The following TTLL4 variants were observed in gnomAD, a reference collection of about 807,000 sequenced individuals.
TTLL4 encodes the protein tubulin monoglutamylase TTLL4.
In TTLL4, 85 loss-of-function variants were observed where a neutral mutation model predicts 122.7. That is an observed-to-expected ratio of 0.69 (90% CI 0.58 to 0.83). TTLL4 has a LOEUF of 0.83. TTLL4 is among the 40% of genes least tolerant of loss of function. TTLL4 has a pLI of 0.00. For missense variants in TTLL4, 1,363 were observed against 1,488.6 expected (o/e 0.92, Z 1.39); for synonymous variants, 553 against 563.0 (o/e 0.98, Z 0.25).
At chr2:218,753,381 A>G in intron 18 of TTLL4, 196 bp downstream of exon 18, 1 of 834,036 alleles carries the variant, frequency 1.2e-6, no homozygotes, top group Non-Finnish European at 1.9e-6. Flanking sequence ...TTCAAGGATC[A>G]AAAAGTGCTT....
At chr2:218,733,930 T>C (rs1290939907) in intron 2 of TTLL4, among the ~76,000 whole-genome samples, 1 of 152,162 alleles carries the variant, frequency 6.6e-6, no homozygotes, top group Non-Finnish European at 1.5e-5. Context: ...GGATTGGCTG[T>C]GGTGTTGATG....
In TTLL4 at chr2:218,745,750, C is replaced by T. The variant is rs757969579; in HGVS notation, c.1846C>T (p.Pro616Ser). The T allele has an allele frequency of 6.8e-6, 11 of 1,613,604 alleles. No individual in the cohort carries two copies. Among genetic ancestry groups the T allele is most frequent in the Non-Finnish European group, 9.3e-6 (11 of 1,179,904 alleles). Residue 616 changes from proline to serine, a missense_variant, in exon 7 of 20, where the codon CCC becomes TCC. By Grantham distance (74) the Pro-to-Ser change is moderately conservative. Coordinates refer to ENST00000392102, the MANE Select transcript of TTLL4 (RefSeq NM_014640.5). The stretch of plus-strand genomic sequence containing the variant: ...CCGATGGAAGATGAGCACAGTGACC[C>T]CCAACATTGTCAAGCAGACCATTGG... ...LLRWKMSTVT[P>S]NIVKQTIGRS...
intron 5 of TTLL4, among the ~76,000 whole-genome samples, chr2:218,742,624 C>T (rs1325129996): frequency 6.6e-6 from 1 of 152,194 alleles, no homozygotes; most frequent in Non-Finnish European, 1.5e-5. Context: ...GTTCAGGATT[C>T]TTGTGAGACA....
At chr2:218,741,065 T>C (rs958247473) in intron 5 of TTLL4, among the ~76,000 whole-genome samples, 7 of 151,728 alleles carry the variant, frequency 4.6e-5, no homozygotes, top group African/African-American at 7.3e-5. Context: ...GGAGCAAGAC[T>C]TTGTCTCAAA....
downstream of TTLL4, among the ~76,000 whole-genome samples, chr2:218,758,320 T>C (rs1023204202): frequency 1.8e-4 from 28 of 152,164 alleles, no homozygotes; most frequent in South Asian, 6.2e-4. Flanking sequence ...GTTAGTAAAC[T>C]GGGGACACCA....
chr2:218,750,433 G>T (rs1942985414), intron 15 of TTLL4, among the ~76,000 whole-genome samples: 1 of 152,102 alleles, frequency 6.6e-6, no homozygotes, highest in Non-Finnish European at 1.5e-5. Context: ...TGAAGCAGGG[G>T]GATCTTTTAA....
intron 1 of TTLL4, among the ~76,000 whole-genome samples, chr2:218,723,051 T>C (rs954966207): frequency 2.9e-4 from 44 of 152,232 alleles, no homozygotes; most frequent in African/African-American, 8.2e-4. Context: ...TCTGAAAGAT[T>C]AATTGGACAA....
At chr2:218,740,427 G>T in intron 4 of TTLL4, 94 bp from the exon 5 acceptor site, 1 of 1,367,746 alleles carries the variant, frequency 7.3e-7, no homozygotes, top group Admixed American at 1.7e-5. Context: ...AAGAAGGGTT[G>T]AGCCCAGGAT....
intron 6 of TTLL4, 165 bp downstream of exon 6, chr2:218,745,398 T>C: frequency 1.2e-6 from 1 of 864,232 alleles, no homozygotes; most frequent in Non-Finnish European, 1.8e-6. Context: ...TGATGCAACC[T>C]TTTTCTTGTC....
At position 218,750,030 on chromosome 2, in the gene TTLL4, G is replaced by A. The variant is rs750651215; in HGVS notation, c.2757G>A (p.Leu919=). ...GAAGCCTCCACTCCAGCTCTCCACT[G>A]GATATCAGCATCAAAGGCCAGATGA... ...ISPSLHSSSP[L]DISIKGQMIR... The change falls in exon 15 of 20, where the codon CTG becomes CTA. Residue 919 remains leucine (L), a synonymous_variant. Transcript: ENST00000392102. The A allele has an allele frequency of 1.9e-6, 3 of 1,614,084 alleles. No homozygotes were observed. The highest frequency in any genetic ancestry group is 2.5e-6 in the Non-Finnish European group (3 of 1,179,980).
At chr2:218,714,102 G>A (rs927190892) in intron 1 of TTLL4, among the ~76,000 whole-genome samples, 1 of 152,170 alleles carries the variant, frequency 6.6e-6, no homozygotes, top group African/African-American at 2.4e-5. Context: ...GCCGTGACGT[G>A]GAAGGGATTG....
chr2:218,717,578 C>T (rs77446527), intron 1 of TTLL4, among the ~76,000 whole-genome samples: 1 of 152,206 alleles, frequency 6.6e-6, no homozygotes, highest in South Asian at 2.1e-4. Context: ...CTGTGCTCTA[C>T]AAGAGCTACC....
intron 2 of TTLL4, among the ~76,000 whole-genome samples, chr2:218,729,156 ACTC>A (rs1942283327): frequency 6.6e-6 from 1 of 150,962 alleles, no homozygotes; most frequent in Non-Finnish European, 1.5e-5. Context: ...CTGGTCTCGA[ACTC>A]CTGGCCTCAG....
At chr2:218,728,947 G>C (rs1369306571) in intron 2 of TTLL4, among the ~76,000 whole-genome samples, 30 of 42,810 alleles carry the variant, frequency 7.0e-4, no homozygotes, top group South Asian at 2.5e-3. Context: ...TTTTTGGCGG[G>C]GGGGGGCATA....
At chr2:218,742,321 A>G (rs1942725158) in intron 5 of TTLL4, among the ~76,000 whole-genome samples, 4 of 152,184 alleles carry the variant, frequency 2.6e-5, no homozygotes, top group Admixed American at 2.6e-4. Context: ...AAGATGAGTA[A>G]AATACTTTTG....
intron 16 of TTLL4, 99 bp downstream of exon 16, chr2:218,751,905 TTTTTC>T: frequency 2.1e-5 from 11 of 512,106 alleles, no homozygotes; most frequent in African/African-American, 4.4e-5. Flanking sequence ...TTTTCTTTTC[TTTTTC>T]TTTTTTTTTT....
Position 218,753,594 on chromosome 2 carries a change from C to T in TTLL4, c.3269C>T (p.Pro1090Leu), listed in dbSNP as rs1184686824. 24 of 1,614,028 alleles carry T rather than the reference C, an allele frequency of 1.5e-5. No individual in the cohort carries two copies. The highest frequency in any genetic ancestry group is 2.7e-5 in the African/African-American group (2 of 74,922). The change falls in exon 19 of 20, where the codon CCG (proline) becomes CTG (leucine). Residue 1090 changes from proline to leucine, a missense_variant. By Grantham distance (98) the Pro-to-Leu change is moderately conservative (BLOSUM62 -3). Coordinates refer to ENST00000392102, the MANE Select transcript of TTLL4 (RefSeq NM_014640.5). ...TTCCTTTGCTCTTAGTGGTCTCTCCCGACATCACTTCTGACTATCTCAAAG... is the reference window on the plus strand; with the variant it reads ...TTCCTTTGCTCTTAGTGGTCTCTCCTGACATCACTTCTGACTATCTCAAAG... The part of the protein sequence containing the change: ...VSDSAPVWSL[P>L]TSLLTISKDD...
At position 218,738,729 on chromosome 2, in the gene TTLL4, G is replaced by A. The variant is rs1286011627; in HGVS notation, c.1053G>A (p.Met351Ile). 2 of 1,614,208 alleles carry A rather than the reference G, an allele frequency of 1.2e-6. No homozygotes were observed. The highest frequency in any genetic ancestry group is 1.3e-5 in the African/African-American group (1 of 75,040). The change falls in exon 3 of 20, where the codon ATG becomes ATA. Residue 351 changes from methionine (M) to isoleucine (I), a missense_variant. Physicochemically the swap from Met to Ile is conservative, Grantham distance 10. Around this residue, in one of 3 missense-constraint regions of TTLL4, gnomAD observed 760 missense variants for 808.4 expected, o/e 0.94. Coordinates refer to ENST00000392102, the MANE Select transcript of TTLL4 (RefSeq NM_014640.5). ...RKLTARGFEK[M>I]PRQGCQLEQS... is the part of the protein sequence containing the mutation. ...TGACCGCAAGAGGCTTTGAGAAGAT[G>A]CCGAGGCAAGGCTGCCAGCTTGAAC...
Position 218,747,431 on chromosome 2 carries a change from CCTT to C in TTLL4, c.2249+63_2249+65del, listed in dbSNP as rs144625764. On this transcript the variant is annotated intron_variant, in intron 10 of 19. Transcript: ENST00000392102. This position sits in a 1 kb window ranked among gnomAD's most constrained non-coding sequence, Gnocchi z 4.7. ...TCCCACCTCCTTGGCCTCGAGGTTC[CCTT>C]CTTACAATGTTCTGCCCTTTGTTCT... 2.2e-3 allele frequency: 3,447 copies of C among 1,593,752 alleles called. 59 individuals are homozygous for C. The African/African-American group carries it at 0.041, about 19-fold the overall frequency.
Sources: gnomAD v4.1 joint callset for allele counts (sites outside exome capture counted in the v4.1 genomes callset) on GRCh38, gnomAD v4.1.1 for gene constraint, gnomAD v4.1.1 regional missense constraint, Gnocchi (gnomAD v3.1) non-coding constraint, MANE v1.5 for transcripts, NCBI Gene and HGNC (gene_info 2026-07-23, HGNC 2026-07-21) for gene names.